The following EDA variants were observed in gnomAD, a reference collection of about 807,000 sequenced individuals.
The protein encoded by EDA is ectodysplasin-A.
In EDA, 2 loss-of-function variants were observed where a neutral mutation model predicts 23.6. The observed-to-expected ratio is 0.08, with a 90% CI of 0.03 to 0.27. The LOEUF (loss-of-function observed/expected upper bound fraction) is 0.27. Among genes scored for constraint, EDA ranks in the 10% least tolerant of loss-of-function variants. The pLI is 1.00. For synonymous variants in EDA, 131 were observed against 132.0 expected, an observed-to-expected ratio of 0.99 and a Z score of 0.05; for missense variants, 229 against 324.2, an observed-to-expected ratio of 0.71 and a Z score of 2.26.
chrX:69,764,328 C>T (rs1180343341), intron 1 of EDA, among the ~76,000 whole-genome samples: 1 of 102,410 alleles, frequency 9.8e-6, no homozygotes, highest in Non-Finnish European at 2.0e-5. Flanking sequence ...CTGCAACCTC[C>T]GCCTCCTGGG....
At chrX:69,892,896 T>G (rs1458478573) in intron 1 of EDA, among the ~76,000 whole-genome samples, 2 of 111,378 alleles carry the variant, frequency 1.8e-5, no homozygotes, top group African/African-American at 6.5e-5. Flanking sequence ...CCCATTTCAT[T>G]TATTAATGTT....
chrX:69,804,710 T>C (rs938519424), intron 1 of EDA, among the ~76,000 whole-genome samples: 1 of 111,007 alleles, frequency 9.0e-6, no homozygotes, highest in Non-Finnish European at 1.9e-5. Context: ...ATGATCTTCA[T>C]GTAACTAAAT....
intron 1 of EDA, among the ~76,000 whole-genome samples, chrX:69,822,803 C>A (rs945002407): frequency 9.8e-4 from 104 of 106,088 alleles, no homozygotes; most frequent in African/African-American, 3.6e-3. Context: ...CCCACTAACT[C>A]GTCATCCAGC....
At chrX:69,961,341 A>G (rs886279867) in intron 2 of EDA, among the ~76,000 whole-genome samples, 1 of 111,785 alleles carries the variant, frequency 8.9e-6, no homozygotes, top group African/African-American at 3.2e-5. Flanking sequence ...GTGAGAGAAA[A>G]AAATTTTTAT....
chrX:69,982,236 C>T (rs942383081), intron 2 of EDA, among the ~76,000 whole-genome samples: 2 of 111,494 alleles, frequency 1.8e-5, no homozygotes, highest in South Asian at 3.8e-4. Flanking sequence ...TCCAGGGTAC[C>T]CTACTCCCAC....
intron 1 of EDA, among the ~76,000 whole-genome samples, chrX:69,679,553 G>A (rs923599989): frequency 9.0e-6 from 1 of 111,719 alleles, no homozygotes; most frequent in Non-Finnish European, 1.9e-5. Context: ...TCTTGGGAGG[G>A]TGTATGTGTA....
intron 1 of EDA, among the ~76,000 whole-genome samples, chrX:69,851,671 T>C (rs1269115603): frequency 8.9e-6 from 1 of 112,269 alleles, no homozygotes; most frequent in African/African-American, 3.2e-5. Flanking sequence ...TTCCACCTGT[T>C]TGGCTAGTTC....
intron 1 of EDA, among the ~76,000 whole-genome samples, chrX:69,783,857 G>A (rs866559531): frequency 9.7e-6 from 1 of 103,589 alleles, no homozygotes. Context: ...GATCCCTGAG[G>A]AATCACCACA....
At chrX:69,841,780 T>C (rs781521318) in intron 1 of EDA, among the ~76,000 whole-genome samples, 1 of 112,461 alleles carries the variant, frequency 8.9e-6, no homozygotes, top group Non-Finnish European at 1.9e-5. Flanking sequence ...ATGAGTGTCT[T>C]AAAAGCAAGG....
At chrX:69,682,080 C>T (rs1341506286) in intron 1 of EDA, among the ~76,000 whole-genome samples, 4 of 111,641 alleles carry the variant, frequency 3.6e-5, no homozygotes, top group African/African-American at 9.8e-5. Context: ...AGTACCTGGC[C>T]GTGTGAGGTG....
intron 1 of EDA, among the ~76,000 whole-genome samples, chrX:69,813,227 T>G (rs2016002353): frequency 8.9e-6 from 1 of 111,851 alleles, no homozygotes; most frequent in African/African-American, 3.2e-5. Context: ...GTCTTACCAG[T>G]CTTACCTTCT....
At chrX:69,859,230 C>T (rs2017325473) in intron 1 of EDA, among the ~76,000 whole-genome samples, 1 of 110,428 alleles carries the variant, frequency 9.1e-6, no homozygotes, top group South Asian at 3.9e-4. Context: ...TCTCTATCTC[C>T]TTCAGTTCAC....
intron 2 of EDA, among the ~76,000 whole-genome samples, chrX:69,990,091 A>G (rs1406150017): frequency 9.1e-6 from 1 of 110,401 alleles, no homozygotes; most frequent in Non-Finnish European, 1.9e-5. Flanking sequence ...TTCTTCATTC[A>G]GTTCGACATA....
chrX:69,885,160 A>G (rs2017809076), intron 1 of EDA, among the ~76,000 whole-genome samples: 1 of 112,040 alleles, frequency 8.9e-6, no homozygotes, highest in Non-Finnish European at 1.9e-5. Context: ...CCAATTTTTA[A>G]TTAGTTCAGT....
At chrX:69,946,531 T>G (rs773919368) in intron 1 of EDA, among the ~76,000 whole-genome samples, 2 of 112,151 alleles carry the variant, frequency 1.8e-5, no homozygotes, top group Admixed American at 1.9e-4. Flanking sequence ...AAACTGAATA[T>G]CACTCATCTT....
chrX:70,029,385 G>C, intron 4 of EDA, 119 bp from the exon 5 acceptor site: 1 of 859,101 alleles, frequency 1.2e-6, no homozygotes, highest in Non-Finnish European at 1.7e-6. Context: ...GAGCCCTGGA[G>C]AATAAAGCTC....
intron 1 of EDA, among the ~76,000 whole-genome samples, chrX:69,853,081 G>A (rs778620256): frequency 9.5e-4 from 106 of 111,633 alleles, no homozygotes; most frequent in Non-Finnish European, 1.4e-3. Context: ...GAAATAAATA[G>A]CAAACTACAG....
chrX:69,701,973 C>A (rs1247351162), intron 1 of EDA, among the ~76,000 whole-genome samples: 2 of 110,617 alleles, frequency 1.8e-5, no homozygotes, highest in Admixed American at 1.9e-4. Flanking sequence ...AGATATGGTC[C>A]CGGTCTTCTG....
At chrX:69,772,055 C>T (rs181402815) in intron 1 of EDA, among the ~76,000 whole-genome samples, 2 of 111,981 alleles carry the variant, frequency 1.8e-5, no homozygotes, top group Admixed American at 9.5e-5. Flanking sequence ...CGAGCTCAAG[C>T]GATCCTCCTG....
Sources: allele counts gnomAD v4.1 joint callset (sites outside exome capture counted in the v4.1 genomes callset), GRCh38; gene constraint gnomAD v4.1.1; transcripts MANE v1.5; gene names NCBI Gene and HGNC (gene_info 2026-07-23, HGNC 2026-07-21).